The following KCNQ1 variants were observed in gnomAD, a reference collection of about 807,000 sequenced individuals.
KCNQ1 encodes the protein potassium voltage-gated channel subfamily KQT member 1.
In KCNQ1, 49 loss-of-function variants were observed where a neutral mutation model predicts 72.4. That is an observed-to-expected ratio of 0.68 (90% confidence interval 0.54 to 0.86). The LOEUF (loss-of-function observed/expected upper bound fraction) is 0.86. Ranked by LOEUF, KCNQ1 falls within the 40% of genes least tolerant of loss-of-function variation. KCNQ1 has a pLI of 0.00. For synonymous variants in KCNQ1, 450 were observed against 412.6 expected, an observed-to-expected ratio of 1.09 and a Z score of -1.10; for missense variants, 790 against 945.1, an observed-to-expected ratio of 0.84 and a Z score of 2.15.
chr11:2,789,434 G>C (rs905813718), intron 15 of KCNQ1, among the ~76,000 whole-genome samples: 11 of 152,206 alleles, frequency 7.2e-5, no homozygotes, highest in African/African-American at 2.7e-4. Context: ...TGTCCATAGA[G>C]AAGCGTGGTA....
rs781285688 is a variant in KCNQ1 at position 2,661,088 on chromosome 11, T to C, written c.1394-873T>C. The C allele has an allele frequency of 9.0e-5, 36 of 398,264 alleles. No homozygotes were observed. The Admixed American group carries it at 1.3e-3, about 14-fold the overall frequency. The allele number at this position is 398,264 out of a possible 1,614,324, so 24.7% of individuals were successfully genotyped here. The stretch of plus-strand genomic sequence containing the variant: ...GAGTCACAGTGACATCCCATGTGCA[T>C]AAAAGCAACTCCCACCTGGCATCTG... On this transcript the variant is annotated intron_variant, in intron 10 of 15. Transcript: ENST00000155840. The surrounding 1 kb of genome is among the most constrained non-coding windows in gnomAD (Gnocchi z 5.9).
Position 2,818,367 on chromosome 11 carries a change from G to A in KCNQ1, c.1795-29400G>A, listed in dbSNP as rs544241852. The stretch of plus-strand genomic sequence containing the variant: ...TGCAGCCCGTGTTCCTGGAGCCACC[G>A]TCCCAGGTGTGGCTAAGGCCCCCAC... On this transcript the variant is annotated intron_variant, in intron 15 of 15. Coordinates refer to ENST00000155840, the MANE Select transcript of KCNQ1 (RefSeq NM_000218.3). The surrounding 1 kb of genome is among the most constrained non-coding windows in gnomAD (Gnocchi z 7.2). Among the ~76,000 whole-genome samples the A allele has an allele frequency of 3.3e-5, 5 of 152,296 alleles. No individual in the cohort carries two copies. Among genetic ancestry groups the A allele is most frequent in the South Asian group, 2.1e-4 (1 of 4,820 alleles).
intron 11 of KCNQ1, among the ~76,000 whole-genome samples, chr11:2,717,379 C>G (rs961994185): frequency 2.0e-5 from 3 of 152,194 alleles, no homozygotes; most frequent in Admixed American, 6.5e-5. Flanking sequence ...GCACAGTATG[C>G]CAATGTTCCC....
At chr11:2,753,245 C>T (rs1846253509) in intron 11 of KCNQ1, among the ~76,000 whole-genome samples, 1 of 152,122 alleles carries the variant, frequency 6.6e-6, no homozygotes, top group African/African-American at 2.4e-5. Flanking sequence ...TTCAGTCTGT[C>T]CCTCGGAAAG....
At chr11:2,622,685 C>T (rs1212986869) in intron 10 of KCNQ1, 2 of 398,252 alleles carry the variant, frequency 5.0e-6, no homozygotes, top group African/African-American at 2.1e-5. Context: ...ATTCTCTATT[C>T]GATTGTCTGT....
intron 6 of KCNQ1, among the ~76,000 whole-genome samples, chr11:2,581,076 C>T (rs1400669079): frequency 1.3e-5 from 2 of 152,186 alleles, no homozygotes; most frequent in Non-Finnish European, 2.9e-5. Context: ...GGGTGAGTGT[C>T]CCCCCAAAAA....
intron 2 of KCNQ1, among the ~76,000 whole-genome samples, chr11:2,551,453 T>G (rs1847982708): frequency 6.6e-6 from 1 of 152,244 alleles, no homozygotes; most frequent in South Asian, 2.1e-4. Context: ...TTGTCTCCTT[T>G]TATTTGGAAA....
intron 11 of KCNQ1, among the ~76,000 whole-genome samples, chr11:2,754,160 C>T (rs1054552787): frequency 5.3e-5 from 8 of 152,190 alleles, no homozygotes; most frequent in African/African-American, 1.9e-4. Context: ...ACAAAAAAGA[C>T]AATAACAAGT....
chr11:2,505,330 C>T lies in KCNQ1; in HGVS notation c.387-22598C>T, dbSNP rs186210686. 1.1e-3 allele frequency among the ~76,000 whole-genome samples: 163 copies of T among 152,250 alleles called. 1 individual carries two copies. Among genetic ancestry groups the T allele is most frequent in the African/African-American group, 3.8e-3 (159 of 41,556 alleles). The stretch of plus-strand genomic sequence containing the variant: ...TTGATTTCTAAGCTTATCCCATTAT[C>T]GTTGGAGAAGATCCTTTGTATGACT... On this transcript the variant is annotated intron_variant, in intron 1 of 15. Transcript: ENST00000155840.
chr11:2,605,149 T>C (rs1848861941), intron 10 of KCNQ1, among the ~76,000 whole-genome samples: 1 of 152,198 alleles, frequency 6.6e-6, no homozygotes, highest in Non-Finnish European at 1.5e-5. Context: ...TTTGTCTTTT[T>C]GTTTTTGAGT....
intron 11 of KCNQ1, chr11:2,694,582 A>G (rs776832943): frequency 8.0e-5 from 32 of 398,522 alleles, no homozygotes; most frequent in Non-Finnish European, 1.2e-4. Flanking sequence ...ATGGAGGCAC[A>G]CTTTCCTGGC....
In KCNQ1 at chr11:2,698,812, T is replaced by C. The variant is rs1850721810; in HGVS notation, c.1514+36731T>C. 1.0e-5 allele frequency: 4 copies of C among 398,502 alleles called. No individual in the cohort carries two copies. The highest frequency in any genetic ancestry group is 1.3e-5 in the Non-Finnish European group (3 of 226,156). 24.7% of individuals were successfully genotyped at this position (398,502 alleles called of 1,614,324 possible). A position where few individuals can be genotyped will look rare whatever the true frequency, so the allele number is the denominator to read the frequency against. On this transcript the variant is annotated intron_variant, in intron 11 of 15. Coordinates refer to ENST00000155840, the MANE Select transcript of KCNQ1 (RefSeq NM_000218.3). This position sits in a 1 kb window ranked among gnomAD's most constrained non-coding sequence, Gnocchi z 5.1. ...CCCAACTCAGACTCCCGATCCTCTGTCCCTAATGAGGCCCTACCTAAAACC... is the reference window on the plus strand; with the variant it reads ...CCCAACTCAGACTCCCGATCCTCTGCCCCTAATGAGGCCCTACCTAAAACC...
chr11:2,593,067 C>G lies in KCNQ1; in HGVS notation c.1393+4213C>G, dbSNP rs1237795759. Among the ~76,000 whole-genome samples, 1 of 152,232 alleles carries G rather than the reference C, an allele frequency of 6.6e-6. No individual in the cohort carries two copies. The highest frequency in any genetic ancestry group is 1.5e-5 in the Non-Finnish European group (1 of 68,046). On this transcript the variant is annotated intron_variant, in intron 10 of 15. Transcript: ENST00000155840. This position sits in a 1 kb window ranked among gnomAD's most constrained non-coding sequence, Gnocchi z 6.9. ...CACCATTGACCAGGTTGTCCAGTCC[C>G]CTCCTCATAGGGGAGTGGCCCTTTG...
rs1032466921 is a variant in KCNQ1, at chr11:2,703,506, C to A, written c.1514+41425C>A. 2.0e-5 allele frequency among the ~76,000 whole-genome samples: 3 copies of A among 152,214 alleles called. No homozygotes were observed. The highest frequency in any genetic ancestry group is 7.2e-5 in the African/African-American group (3 of 41,462). Reference sequence around the variant, plus strand: ...ACCCGAGAGCACGCACGCACACACGCACTCACAGCTGAAGAGAATTAGGCT... The same window carrying A: ...ACCCGAGAGCACGCACGCACACACGAACTCACAGCTGAAGAGAATTAGGCT... On this transcript the variant is annotated intron_variant, in intron 11 of 15. Transcript: ENST00000155840. The surrounding 1 kb of genome is among the most constrained non-coding windows in gnomAD (Gnocchi z 6.4).
chr11:2,786,476 T>C (rs1222925856), intron 15 of KCNQ1, among the ~76,000 whole-genome samples: 2 of 152,188 alleles, frequency 1.3e-5, no homozygotes, highest in Non-Finnish European at 2.9e-5. Flanking sequence ...TTCTAGATTA[T>C]TCTCAGTTAA....
At chr11:2,701,594 A>G (rs1022561621) in intron 11 of KCNQ1, among the ~76,000 whole-genome samples, 3 of 152,192 alleles carry the variant, frequency 2.0e-5, no homozygotes, top group Admixed American at 1.3e-4. Flanking sequence ...GATAGTTACT[A>G]TCTTTGAACT....
At chr11:2,542,816 A>G (rs1251208429) in intron 2 of KCNQ1, among the ~76,000 whole-genome samples, 1 of 152,202 alleles carries the variant, frequency 6.6e-6, no homozygotes, top group Admixed American at 6.5e-5. Context: ...GTACGGACGC[A>G]TTGCAGTCTG....
rs183575698 is a variant in KCNQ1 at position 2,734,938 on chromosome 11, C to G, written c.1515-33906C>G. Among the ~76,000 whole-genome samples, 879 of 152,132 alleles carry G rather than the reference C, an allele frequency of 5.8e-3. 6 individuals are homozygous for G. Among genetic ancestry groups the G allele is most frequent in the Non-Finnish European group, 8.5e-3 (577 of 67,962 alleles). On this transcript the variant is annotated intron_variant, in intron 11 of 15. Transcript: ENST00000155840. This position sits in a 1 kb window ranked among gnomAD's most constrained non-coding sequence, Gnocchi z 7.0. Reference sequence around the variant, plus strand: ...GAGGCTTCTGGGCCAGCAGCATGTTCCAGTGCGACACATGTGCCCCGGAGT... The same window carrying G: ...GAGGCTTCTGGGCCAGCAGCATGTTGCAGTGCGACACATGTGCCCCGGAGT...
Position 2,735,043 on chromosome 11 carries a change from C to T in KCNQ1, c.1515-33801C>T, listed in dbSNP as rs1417306178. ...TCGGAGGGCACACTAACAAGAGGCA[C>T]ATGTGCCAGGGAAGCCCTGCCTTGT... On this transcript the variant is annotated intron_variant, in intron 11 of 15. Coordinates refer to ENST00000155840, the MANE Select transcript of KCNQ1 (RefSeq NM_000218.3). The surrounding 1 kb of genome is among the most constrained non-coding windows in gnomAD (Gnocchi z 7.7). Among the ~76,000 whole-genome samples the T allele has an allele frequency of 2.0e-5, 3 of 152,128 alleles. No homozygotes were observed. Among genetic ancestry groups the T allele is most frequent in the Non-Finnish European group, 4.4e-5 (3 of 68,006 alleles).
Sources: gnomAD v4.1 joint callset for allele counts (sites outside exome capture counted in the v4.1 genomes callset) on GRCh38, gnomAD v4.1.1 for gene constraint, Gnocchi (gnomAD v3.1) non-coding constraint, MANE v1.5 for transcripts, NCBI Gene and HGNC (gene_info 2026-07-23, HGNC 2026-07-21) for gene names.